The following PRKCE variants were observed in gnomAD, a reference collection of about 807,000 sequenced individuals.
The protein encoded by PRKCE is protein kinase C epsilon, also known as protein kinase C epsilon type.
PRKCE carries 16 observed loss-of-function variants against 85.4 expected under a neutral mutation model. The ratio of observed to expected loss-of-function variants is 0.19; its 90% CI spans 0.13 to 0.28. PRKCE has a LOEUF of 0.28. Ranked by LOEUF, PRKCE falls within the 10% of genes least tolerant of loss-of-function variation. The pLI is 1.00. For missense variants in PRKCE, 573 were observed against 975.2 expected, an observed-to-expected ratio of 0.59 and a Z score of 5.49; for synonymous variants, 388 against 371.5, an observed-to-expected ratio of 1.04 and a Z score of -0.51.
intron 6 of PRKCE, among the ~76,000 whole-genome samples, chr2:45,985,176 G>A (rs1265392037): frequency 1.2e-4 from 18 of 152,148 alleles, no homozygotes; most frequent in Non-Finnish European, 2.2e-4. Flanking sequence ...TATTCCCATG[G>A]CCCTGGTGAG....
chr2:45,942,609 C>T (rs962416017), intron 2 of PRKCE, among the ~76,000 whole-genome samples: 3 of 152,104 alleles, frequency 2.0e-5, no homozygotes, highest in Admixed American at 6.5e-5. Context: ...GGTCTAATGA[C>T]GAGGTCCCCG....
intron 2 of PRKCE, among the ~76,000 whole-genome samples, chr2:45,906,808 C>G (rs1182452084): frequency 6.6e-6 from 1 of 152,226 alleles, no homozygotes. Context: ...CTGTATGTGC[C>G]TACCCTGCAG....
chr2:45,843,370 G>T (rs1691520134), intron 2 of PRKCE, among the ~76,000 whole-genome samples: 1 of 152,178 alleles, frequency 6.6e-6, no homozygotes, highest in African/African-American at 2.4e-5. Flanking sequence ...AGGCTTGCGT[G>T]GGGTTTGTGT....
At chr2:46,050,706 G>A (rs1317946552) in intron 10 of PRKCE, among the ~76,000 whole-genome samples, 1 of 152,206 alleles carries the variant, frequency 6.6e-6, no homozygotes, top group Non-Finnish European at 1.5e-5. Context: ...GCCACCTGTG[G>A]CCTGCAAAGA....
chr2:45,779,602 G>GT (rs1263961203), intron 1 of PRKCE, among the ~76,000 whole-genome samples: 19 of 133,580 alleles, frequency 1.4e-4, no homozygotes, highest in Non-Finnish European at 2.2e-4. Context: ...ATATATTAAA[G>GT]TAAAAAAAAA....
At chr2:46,002,857 G>C (rs1262501373) in intron 7 of PRKCE, among the ~76,000 whole-genome samples, 3 of 152,210 alleles carry the variant, frequency 2.0e-5, no homozygotes, top group Non-Finnish European at 4.4e-5. Flanking sequence ...CCCTTTTCAG[G>C]AGACATGGTT....
intron 6 of PRKCE, among the ~76,000 whole-genome samples, chr2:45,997,757 G>A (rs1233933356): frequency 2.0e-5 from 3 of 152,156 alleles, no homozygotes; most frequent in African/African-American, 4.8e-5. Context: ...ATGTTGGCCA[G>A]GCTGGTCTCA....
chr2:46,120,544 G>A (rs1377775966), intron 11 of PRKCE, among the ~76,000 whole-genome samples: 1 of 152,166 alleles, frequency 6.6e-6, no homozygotes, highest in East Asian at 1.9e-4. Context: ...CTCTTGTTTT[G>A]GCTAGTAAGA....
intron 10 of PRKCE, among the ~76,000 whole-genome samples, chr2:46,048,480 A>C (rs1708660592): frequency 6.6e-6 from 1 of 152,236 alleles, no homozygotes. Context: ...ATGTCCCACC[A>C]GAGCCCCTCT....
chr2:46,088,585 T>A (rs1409478488), intron 11 of PRKCE, among the ~76,000 whole-genome samples: 1 of 152,238 alleles, frequency 6.6e-6, no homozygotes, highest in East Asian at 1.9e-4. Context: ...CTACATGCTC[T>A]TCTTGATTTG....
intron 10 of PRKCE, among the ~76,000 whole-genome samples, chr2:46,014,875 C>A (rs1328958050): frequency 6.6e-6 from 1 of 152,192 alleles, no homozygotes; most frequent in Non-Finnish European, 1.5e-5. Flanking sequence ...GAAATTATTT[C>A]CAAATCTCAT....
chr2:46,107,365 G>A (rs568797585), intron 11 of PRKCE, among the ~76,000 whole-genome samples: 14 of 152,062 alleles, frequency 9.2e-5, no homozygotes, highest in Non-Finnish European at 1.6e-4. Flanking sequence ...TATTCCGGCC[G>A]GGCACGGTGG....
intron 2 of PRKCE, among the ~76,000 whole-genome samples, chr2:45,960,575 G>A (rs1701306333): frequency 6.6e-6 from 1 of 152,152 alleles, no homozygotes; most frequent in Non-Finnish European, 1.5e-5. Context: ...TAATGCTGCT[G>A]CTGGTCTGAC....
intron 10 of PRKCE, among the ~76,000 whole-genome samples, chr2:46,076,514 A>C (rs2103794381): frequency 6.6e-6 from 1 of 152,340 alleles, no homozygotes; most frequent in Non-Finnish European, 1.5e-5. Context: ...TGGGTGAGTC[A>C]GTTTGGCGCA....
At position 45,907,060 on chromosome 2, in the gene PRKCE, G is replaced by A. The variant is rs1018916160; in HGVS notation, c.412+63997G>A. On this transcript the variant is annotated intron_variant, in intron 2 of 14. Transcript: ENST00000306156. This position sits in a 1 kb window ranked among gnomAD's most constrained non-coding sequence, Gnocchi z 4.5. The stretch of plus-strand genomic sequence containing the variant: ...CCCAGTTGCTCCAAAATTAGGCGTC[G>A]GAGGTCTAAGTGGTATAGACGGAAG... Among the ~76,000 whole-genome samples, 34 of 149,742 alleles carry A rather than the reference G, an allele frequency of 2.3e-4. No homozygotes were observed. Among genetic ancestry groups the A allele is most frequent in the Admixed American group, 1.4e-4 (2 of 14,704 alleles).
In PRKCE at chr2:45,793,797, G is replaced by T. The variant is rs549948737; in HGVS notation, c.349-49203G>T. On this transcript the variant is annotated intron_variant, in intron 1 of 14. Coordinates refer to ENST00000306156, the MANE Select transcript of PRKCE (RefSeq NM_005400.3). The stretch of plus-strand genomic sequence containing the variant: ...GAACTGGGATCCGGGCTAAACCTGT[G>T]CTGGTGCTTGTCAAGGACAAGGACA... Among the ~76,000 whole-genome samples, 46 of 152,310 alleles carry T rather than the reference G, an allele frequency of 3.0e-4. No individual in the cohort carries two copies. In the South Asian group the frequency reaches 8.5e-3, roughly 28 times the overall value.
At chr2:46,061,434 T>C (rs1297878653) in intron 10 of PRKCE, among the ~76,000 whole-genome samples, 6 of 106,820 alleles carry the variant, frequency 5.6e-5, no homozygotes, top group South Asian at 2.9e-4. Context: ...TATTCTTTTT[T>C]TTCCCCCCTA....
chr2:46,062,053 G>T (rs746866307), intron 10 of PRKCE, among the ~76,000 whole-genome samples: 1 of 151,446 alleles, frequency 6.6e-6, no homozygotes, highest in Non-Finnish European at 1.5e-5. Context: ...GTAGAGACAG[G>T]GTTTCGCCAT....
intron 1 of PRKCE, among the ~76,000 whole-genome samples, chr2:45,695,718 C>T (rs1232246761): frequency 1.3e-5 from 2 of 152,178 alleles, no homozygotes; most frequent in African/African-American, 4.8e-5. Flanking sequence ...TTGCAGTGAG[C>T]TGAGATCACG....
Sources: allele counts gnomAD v4.1 joint callset (sites outside exome capture counted in the v4.1 genomes callset), GRCh38; gene constraint gnomAD v4.1.1; non-coding constraint Gnocchi (gnomAD v3.1); transcripts MANE v1.5; gene names NCBI Gene and HGNC (gene_info 2026-07-23, HGNC 2026-07-21).